The following BMAL1 variants were observed in gnomAD, a reference collection of about 807,000 sequenced individuals.
BMAL1 encodes the protein basic helix-loop-helix ARNT-like protein 1.
the BMAL1 span, among the ~76,000 whole-genome samples, chr11:13,303,571 A>C: frequency 6.6e-6 from 1 of 152,166 alleles, no homozygotes; most frequent in African/African-American, 2.4e-5. Context: ...CTGCAGAAAA[A>C]ATTCCAAAGT....
the BMAL1 span, among the ~76,000 whole-genome samples, chr11:13,284,283 C>T: frequency 4.1e-5 from 5 of 121,594 alleles, no homozygotes; most frequent in African/African-American, 9.7e-5. Flanking sequence ...TTTTTAATGC[C>T]AGTTGTTCCC....
the BMAL1 span, among the ~76,000 whole-genome samples, chr11:13,291,878 A>G: frequency 6.6e-6 from 1 of 152,230 alleles, no homozygotes; most frequent in Admixed American, 6.5e-5. Flanking sequence ...AAAAATCCCA[A>G]GGCTTTAATA....
chr11:13,361,165 T>C, the BMAL1 span, among the ~76,000 whole-genome samples: 41 of 152,248 alleles, frequency 2.7e-4, no homozygotes, highest in African/African-American at 7.2e-4. Context: ...GCAAGAGATA[T>C]ATGCTTTCAC....
At chr11:13,359,692 T>C in the BMAL1 span, among the ~76,000 whole-genome samples, 1 of 152,166 alleles carries the variant, frequency 6.6e-6, no homozygotes, top group Admixed American at 6.5e-5. Context: ...CTCCAAATCA[T>C]TTACTGCTGG....
At chr11:13,315,535 C>T in the BMAL1 span, among the ~76,000 whole-genome samples, 1 of 152,188 alleles carries the variant, frequency 6.6e-6, no homozygotes, top group Non-Finnish European at 1.5e-5. Context: ...ACTGAGGCCT[C>T]GACCCATTGA....
chr11:13,293,212 G>T, the BMAL1 span, among the ~76,000 whole-genome samples: 1 of 152,146 alleles, frequency 6.6e-6, no homozygotes, highest in East Asian at 1.9e-4. Flanking sequence ...GGGCACCCAG[G>T]CATGGAAGGG....
the BMAL1 span, among the ~76,000 whole-genome samples, chr11:13,346,955 C>G: frequency 1.2e-4 from 18 of 152,352 alleles, no homozygotes; most frequent in African/African-American, 3.8e-4. Context: ...CAGAAAGAGG[C>G]TTTCTTTTTT....
chr11:13,339,066 A>G, the BMAL1 span, among the ~76,000 whole-genome samples: 69 of 152,344 alleles, frequency 4.5e-4, no homozygotes, highest in African/African-American at 1.6e-3. Context: ...CACATGGGGC[A>G]TGTACCTGGC....
the BMAL1 span, among the ~76,000 whole-genome samples, chr11:13,360,034 A>G: frequency 6.6e-6 from 1 of 152,218 alleles, no homozygotes; most frequent in African/African-American, 2.4e-5. Context: ...TTACTTCCAG[A>G]GCTGCCTTCT....
the BMAL1 span, among the ~76,000 whole-genome samples, chr11:13,348,771 C>T: frequency 3.9e-5 from 6 of 152,148 alleles, no homozygotes; most frequent in East Asian, 7.7e-4. Flanking sequence ...GGACAGTGAG[C>T]GTTCCTGAAT....
At chr11:13,296,515 A>G in the BMAL1 span, among the ~76,000 whole-genome samples, 2 of 152,210 alleles carry the variant, frequency 1.3e-5, no homozygotes, top group Non-Finnish European at 1.5e-5. Context: ...TTCTTGGGAA[A>G]GGGGAGCTTA....
At chr11:13,314,913 A>G in the BMAL1 span, among the ~76,000 whole-genome samples, 2 of 152,316 alleles carry the variant, frequency 1.3e-5, no homozygotes, top group East Asian at 3.9e-4. Context: ...CCAAGTCAGC[A>G]TCTGTACTTT....
the BMAL1 span, among the ~76,000 whole-genome samples, chr11:13,370,012 A>G: frequency 1.1e-4 from 16 of 152,322 alleles, no homozygotes; most frequent in African/African-American, 3.6e-4. Context: ...TTCTTTTAAC[A>G]TGATTGAGGA....
the BMAL1 span, among the ~76,000 whole-genome samples, chr11:13,310,683 T>C: frequency 6.6e-6 from 1 of 152,332 alleles, no homozygotes; most frequent in East Asian, 1.9e-4. Flanking sequence ...AGTAAAACTT[T>C]ATTTACAGAA....
At chr11:13,312,182 A>G in the BMAL1 span, among the ~76,000 whole-genome samples, 1 of 152,216 alleles carries the variant, frequency 6.6e-6, no homozygotes, top group Non-Finnish European at 1.5e-5. Flanking sequence ...ATTGTGTATC[A>G]TCCCATTTCA....
chr11:13,372,803 C>G, the BMAL1 span, among the ~76,000 whole-genome samples: 2 of 151,600 alleles, frequency 1.3e-5, no homozygotes, highest in Non-Finnish European at 2.9e-5. Context: ...AGAGTGAGAC[C>G]CTGTTTCAAA....
the BMAL1 span, among the ~76,000 whole-genome samples, chr11:13,339,129 C>T: frequency 1.3e-5 from 2 of 152,242 alleles, no homozygotes; most frequent in Non-Finnish European, 2.9e-5. Context: ...TTGTGCAGTT[C>T]ATGGACTGGG....
At chr11:13,288,725 C>T in the BMAL1 span, among the ~76,000 whole-genome samples, 1 of 152,254 alleles carries the variant, frequency 6.6e-6, no homozygotes, top group South Asian at 2.1e-4. Flanking sequence ...AGAGACCTGA[C>T]AGGAGGCTGC....
At chr11:13,341,324 C>G in the BMAL1 span, among the ~76,000 whole-genome samples, 1 of 152,242 alleles carries the variant, frequency 6.6e-6, no homozygotes, top group Non-Finnish European at 1.5e-5. Context: ...GTTGGCCTTG[C>G]TCTTTATTGT....
Sources: allele counts gnomAD v4.1 joint callset (sites outside exome capture counted in the v4.1 genomes callset), GRCh38; gene constraint gnomAD v4.1.1; transcripts MANE v1.5; gene names NCBI Gene and HGNC (gene_info 2026-07-23, HGNC 2026-07-21).